Variants in UGGT2 observed in about 807,000 individuals in gnomAD.
UGGT2 encodes the protein UDP-glucose:glycoprotein glucosyltransferase 2.
A neutral mutation model predicts 192.1 loss-of-function variants in UGGT2; 180 were observed. The ratio of observed to expected loss-of-function variants is 0.94; its 90% CI spans 0.83 to 1.06. The LOEUF is 1.06. UGGT2 is among the 50% of genes least tolerant of loss of function. The pLI is 0.00. For missense variants in UGGT2, 1,849 were observed against 1,795.7 expected (o/e 1.03, Z -0.54); for synonymous variants, 580 against 591.0 (o/e 0.98, Z 0.27).
intron 20 of UGGT2, among the ~76,000 whole-genome samples, chr13:95,912,267 T>C (rs75199622): frequency 0.35 from 53,750 of 151,902 alleles, 10,275 homozygotes; most frequent in East Asian, 0.46. Context: ...AAATAAAGGG[T>C]GTTCAATTAG....
At position 96,013,378 on chromosome 13, in the gene UGGT2, C is replaced by A. The variant is rs755759914; in HGVS notation, c.589G>T (p.Ala197Ser). Residue 197 changes from alanine to serine, a missense_variant, in exon 5 of 39, where the codon GCA (alanine) becomes TCA (serine). Physicochemically the swap from Ala to Ser is moderately conservative, Grantham distance 99 (BLOSUM62 1). Coordinates refer to ENST00000376747, the MANE Select transcript of UGGT2 (RefSeq NM_020121.4). ...YAEMGTRTFS[A>S]FHKVLSEKAQ... ...TTTTCAGACAATACTTTGTGAAATGCACTAAATGTTCTAGTACCCATTTCG... is the reference window on the plus strand; with the variant it reads ...TTTTCAGACAATACTTTGTGAAATGAACTAAATGTTCTAGTACCCATTTCG... The A allele has an allele frequency of 6.2e-7, 1 of 1,607,360 alleles. No individual in the cohort carries two copies. The highest frequency in any genetic ancestry group is 8.5e-7 in the Non-Finnish European group (1 of 1,178,438).
intron 36 of UGGT2, among the ~76,000 whole-genome samples, chr13:95,840,421 G>C (rs1465055814): frequency 2.6e-5 from 4 of 152,018 alleles, no homozygotes; most frequent in Non-Finnish European, 5.9e-5. Context: ...ACACTTATGC[G>C]ACCAACAAAC....
At position 96,013,417 on chromosome 13, in the gene UGGT2, C is replaced by T. The variant is rs769868774; in HGVS notation, c.550G>A (p.Val184Met). 2.3e-5 allele frequency: 37 copies of T among 1,608,244 alleles called. No individual in the cohort carries two copies. Among genetic ancestry groups the T allele is most frequent in the Middle Eastern group, 1.6e-4 (1 of 6,064 alleles). ...GTACCCATTTCGGCATAGAGAATCA[C>T]CACTGGTAAGTTCTCTTTGTTTGTA... ...FPTNKENLPVVILYAEMGTRT... is the reference protein window; with the variant it reads ...FPTNKENLPVMILYAEMGTRT... The change falls in exon 5 of 39, where the codon GTG becomes ATG. Residue 184 changes from valine (V) to methionine (M), a missense_variant. Coordinates refer to ENST00000376747, the MANE Select transcript of UGGT2 (RefSeq NM_020121.4).
intron 29 of UGGT2, among the ~76,000 whole-genome samples, chr13:95,874,522 GA>G (rs1891493352): frequency 1.3e-5 from 2 of 152,200 alleles, no homozygotes; most frequent in African/African-American, 4.8e-5. Context: ...GATGGTGTGA[GA>G]GGTCATCACA....
chr13:95,852,098 C>T (rs1445549359), intron 36 of UGGT2, among the ~76,000 whole-genome samples: 1 of 152,122 alleles, frequency 6.6e-6, no homozygotes, highest in Non-Finnish European at 1.5e-5. Flanking sequence ...AAAATCAACT[C>T]CTTACCAGTG....
At chr13:95,931,716 C>T (rs376560310) in intron 17 of UGGT2, among the ~76,000 whole-genome samples, 14 of 152,232 alleles carry the variant, frequency 9.2e-5, no homozygotes, top group African/African-American at 2.2e-4. Context: ...GGGCCGGCAG[C>T]GCCCGCCGGC....
chr13:96,002,415 T>C (rs1566813804), intron 5 of UGGT2, among the ~76,000 whole-genome samples: 1 of 152,246 alleles, frequency 6.6e-6, no homozygotes, highest in African/African-American at 2.4e-5. Context: ...AACATAAATC[T>C]GTTTTACATC....
At chr13:95,957,103 T>C (rs893549454) in intron 12 of UGGT2, among the ~76,000 whole-genome samples, 1 of 152,216 alleles carries the variant, frequency 6.6e-6, no homozygotes, top group Non-Finnish European at 1.5e-5. Flanking sequence ...ATTCCACTTA[T>C]ATGAAATATC....
intron 9 of UGGT2, chr13:95,985,228 T>G (rs1254738598): frequency 8.6e-7 from 1 of 1,161,402 alleles, no homozygotes; most frequent in South Asian, 1.4e-5. Flanking sequence ...AGATATGACA[T>G]TTATACACAC....
At chr13:95,884,350 G>A (rs1388706623) in intron 27 of UGGT2, 141 bp downstream of exon 27, 3 of 660,586 alleles carry the variant, frequency 4.5e-6, no homozygotes, top group Non-Finnish European at 6.6e-6. Context: ...TCAAAGGAAA[G>A]ATTGGATCAG....
chr13:95,931,684 G>C (rs2049277907), intron 17 of UGGT2, among the ~76,000 whole-genome samples: 1 of 152,118 alleles, frequency 6.6e-6, no homozygotes, highest in African/African-American at 2.4e-5. Context: ...TGCTGGCCCG[G>C]GTGCTACGCC....
intron 21 of UGGT2, among the ~76,000 whole-genome samples, chr13:95,902,554 A>G (rs1175478521): frequency 6.6e-6 from 1 of 151,562 alleles, no homozygotes; most frequent in Non-Finnish European, 1.5e-5. Context: ...TCAGTGAAAT[A>G]CCTGAGATTT....
chr13:95,931,766 T>G (rs1388269626), intron 17 of UGGT2, among the ~76,000 whole-genome samples: 1 of 152,004 alleles, frequency 6.6e-6, no homozygotes, highest in Non-Finnish European at 1.5e-5. Context: ...CACCCGGAAC[T>G]CGCGCTGGCC....
At chr13:95,920,816 C>T (rs2048821727) in intron 20 of UGGT2, among the ~76,000 whole-genome samples, 1 of 152,172 alleles carries the variant, frequency 6.6e-6, no homozygotes, top group Admixed American at 6.5e-5. Flanking sequence ...TACCATTTGA[C>T]CCAGCAATCC....
chr13:95,914,822 C>G (rs2048630446), intron 20 of UGGT2, among the ~76,000 whole-genome samples: 1 of 151,466 alleles, frequency 6.6e-6, no homozygotes. Flanking sequence ...AACAAAAGAA[C>G]AAAAAACCCC....
chr13:96,015,921 A>T (rs1020306586), intron 4 of UGGT2, among the ~76,000 whole-genome samples: 1 of 152,226 alleles, frequency 6.6e-6, no homozygotes, highest in African/African-American at 2.4e-5. Context: ...AATATTTTTC[A>T]GCATCTACTA....
chr13:95,815,671 G>GC (rs1391363703), intron 38 of UGGT2, among the ~76,000 whole-genome samples: 1 of 152,044 alleles, frequency 6.6e-6, no homozygotes, highest in East Asian at 1.9e-4. Context: ...ATCTCAGTGG[G>GC]CTTTTTTGTT....
intron 38 of UGGT2, among the ~76,000 whole-genome samples, chr13:95,821,759 T>C (rs572961520): frequency 8.5e-5 from 13 of 152,222 alleles, no homozygotes; most frequent in African/African-American, 3.1e-4. Context: ...AATGGGGATG[T>C]GGTTTCATTC....
chr13:95,973,262 G>A (rs1594479079), intron 10 of UGGT2, among the ~76,000 whole-genome samples: 1 of 152,006 alleles, frequency 6.6e-6, no homozygotes, highest in South Asian at 2.1e-4. Context: ...TGGCCTAAAG[G>A]TAGCAGTTTG....
Sources: allele counts gnomAD v4.1 joint callset (sites outside exome capture counted in the v4.1 genomes callset), GRCh38; gene constraint gnomAD v4.1.1; transcripts MANE v1.5; gene names NCBI Gene and HGNC (gene_info 2026-07-23, HGNC 2026-07-21).